The following CREB3 variants were observed in gnomAD, a reference collection of about 807,000 sequenced individuals.
CREB3 encodes cyclic AMP-responsive element-binding protein 3.
CREB3 carries 29 observed loss-of-function variants against 34.5 expected under a neutral mutation model. That is an observed-to-expected ratio of 0.84 (90% confidence interval 0.63 to 1.15). The LOEUF is 1.15. Ranked by LOEUF, CREB3 falls within the 50% of genes most tolerant of loss-of-function variation. The probability of loss-of-function intolerance (pLI) is 0.00; values close to 1 mark genes in which losing one functional copy is unlikely to be tolerated. For missense variants in CREB3, 447 were observed against 443.4 expected (o/e 1.01, Z -0.07); for synonymous variants, 187 against 173.9 (o/e 1.08, Z -0.59).
chr9:35,736,654 T>G lies in CREB3; in HGVS notation c.1044T>G (p.Asn348Lys). 6.2e-7 allele frequency: 1 copy of G among 1,613,518 alleles called. No individual in the cohort carries two copies. The highest frequency in any genetic ancestry group is 1.1e-5 in the South Asian group (1 of 91,080). The change falls in exon 9 of 9, where the codon AAT becomes AAG. Residue 348 changes from asparagine (N) to lysine (K), a missense_variant. Asn to Lys is a moderately conservative substitution (Grantham distance 94, BLOSUM62 0). Coordinates refer to ENST00000353704, the MANE Select transcript of CREB3 (RefSeq NM_006368.5). ...CRGPILPLQA[N>K]LTRKGGWLPT... The stretch of plus-strand genomic sequence containing the variant: ...GTCCCATCCTCCCCCTGCAGGCAAA[T>G]CTCACAAGGAAGGGAGGATGGCTTC...
At chr9:35,734,226 C>G (rs1232651276) in intron 4 of CREB3, among the ~76,000 whole-genome samples, 1 of 151,984 alleles carries the variant, frequency 6.6e-6, no homozygotes, top group Non-Finnish European at 1.5e-5. Flanking sequence ...GATCTACCCA[C>G]CTTGGCCTCC....
In CREB3 at chr9:35,733,191, C is replaced by T. The variant is rs537334615; in HGVS notation, c.278-24C>T. 1.9e-5 allele frequency: 31 copies of T among 1,614,210 alleles called. No homozygotes were observed. The African/African-American group carries it at 3.9e-4, about 20-fold the overall frequency. ...GGGAGGACAGGGTTCATGGGCCTGG[C>T]TATTCATACTTTCCCTTTTGCAGAG... On this transcript the variant is annotated intron_variant, in intron 2 of 8. Coordinates refer to ENST00000353704, the MANE Select transcript of CREB3 (RefSeq NM_006368.5).
At position 35,736,137 on chromosome 9, in the gene CREB3, G is replaced by C. The variant is rs368850860; in HGVS notation, c.696+5G>C. Reference sequence around the variant, plus strand: ...AGCAGCAGCACCTGCATCTTGGTGAGGATGGTGATGAGGGGAGAAATCCTT... The same window carrying C: ...AGCAGCAGCACCTGCATCTTGGTGACGATGGTGATGAGGGGAGAAATCCTT... On this transcript the variant is annotated splice_donor_5th_base_variant and intron_variant, in intron 7 of 8. Coordinates refer to ENST00000353704, the MANE Select transcript of CREB3 (RefSeq NM_006368.5). The C allele has an allele frequency of 6.2e-7, 1 of 1,613,782 alleles. No homozygotes were observed. Among genetic ancestry groups the C allele is most frequent in the Middle Eastern group, 1.6e-4 (1 of 6,062 alleles).
chr9:35,736,752 G>T lies in CREB3; in HGVS notation c.*26G>T. On this transcript the variant is annotated 3_prime_UTR_variant, in exon 9 of 9. Transcript: ENST00000353704. ...ATATGAGGATATGTGGGGGGTCTCAGCAGGAGCCTGGGGGGCTCCCCATCT... is the reference window on the plus strand; with the variant it reads ...ATATGAGGATATGTGGGGGGTCTCATCAGGAGCCTGGGGGGCTCCCCATCT... 1 of 1,573,696 alleles carries T rather than the reference G, an allele frequency of 6.4e-7. No individual in the cohort carries two copies.
At position 35,736,826 on chromosome 9, in the gene CREB3, CCT is replaced by C; in HGVS notation, c.*101_*102del. On this transcript the variant is annotated 3_prime_UTR_variant, in exon 9 of 9. Coordinates refer to ENST00000353704, the MANE Select transcript of CREB3 (RefSeq NM_006368.5). ...CAAGGGCTGGCCGCAGCTCCTGTGCCCTGTCAGGACGACTGAGGGCTCAAACA... is the reference window on the plus strand; with the variant it reads ...CAAGGGCTGGCCGCAGCTCCTGTGCCGTCAGGACGACTGAGGGCTCAAACA... 3 of 1,123,352 alleles carry C rather than the reference CCT, an allele frequency of 2.7e-6. No homozygotes were observed. The highest frequency in any genetic ancestry group is 3.8e-6 in the Non-Finnish European group (3 of 783,466). 69.6% of individuals were successfully genotyped at this position (1,123,352 alleles called of 1,614,324 possible).
Position 35,736,763 on chromosome 9 carries a change from G to T in CREB3, c.*37G>T. 1 of 1,539,244 alleles carries T rather than the reference G, an allele frequency of 6.5e-7. No homozygotes were observed. On this transcript the variant is annotated 3_prime_UTR_variant, in exon 9 of 9. Coordinates refer to ENST00000353704, the MANE Select transcript of CREB3 (RefSeq NM_006368.5). ...TGTGGGGGGTCTCAGCAGGAGCCTG[G>T]GGGGCTCCCCATCTGTGTCCAAATA...
At position 35,732,964 on chromosome 9, in the gene CREB3, GGTCAAGGCCT is replaced by G. The variant is rs755038363; in HGVS notation, c.130-29_130-20del. On this transcript the variant is annotated intron_variant, in intron 1 of 8. Transcript: ENST00000353704. The surrounding 1 kb of genome is among the most constrained non-coding windows in gnomAD (Gnocchi z 5.1). ...CCATGAAGTCAGGTGATGGTGATAA[GGTCAAGGCCT>G]GTTCATTGGAACCCTGCGCAGGTAC... The G allele has an allele frequency of 1.9e-6, 3 of 1,613,672 alleles. No homozygotes were observed. Among genetic ancestry groups the G allele is most frequent in the East Asian group, 4.5e-5 (2 of 44,874 alleles).
chr9:35,736,017 A>T lies in CREB3; in HGVS notation c.612-31A>T, dbSNP rs1826196583. 1.9e-6 allele frequency: 3 copies of T among 1,547,870 alleles called. No individual in the cohort carries two copies. In the African/African-American group the frequency reaches 4.1e-5, roughly 21 times the overall value. On this transcript the variant is annotated intron_variant, in intron 6 of 8. Coordinates refer to ENST00000353704, the MANE Select transcript of CREB3 (RefSeq NM_006368.5). ...GTGTCTCAGGATGCTAGGCCAGGGG[A>T]TGCTCACTATTGGCCCCTCTCTTCC...
Position 35,732,779 on chromosome 9 carries a change from C to G in CREB3, c.7C>G (p.Leu3Val), listed in dbSNP as rs772064563. 2 of 1,610,600 alleles carry G rather than the reference C, an allele frequency of 1.2e-6. No homozygotes were observed. Among genetic ancestry groups the G allele is most frequent in the South Asian group, 2.2e-5 (2 of 90,656 alleles). The change falls in exon 1 of 9, where the codon CTG becomes GTG. Residue 3 changes from leucine (L) to valine (V), a missense_variant. By Grantham distance (32) the Leu-to-Val change is conservative (BLOSUM62 1). Coordinates refer to ENST00000353704, the MANE Select transcript of CREB3 (RefSeq NM_006368.5). The surrounding 1 kb of genome is among the most constrained non-coding windows in gnomAD (Gnocchi z 5.1). ...CTTTCCGTAGTTGTCCCAAATGGAG[C>G]TGGAATTGGATGCTGGTGACCAAGA... ME[L>V]ELDAGDQDLL...
In CREB3 at chr9:35,733,413, A is replaced by G; in HGVS notation, c.363A>G (p.Val121=). Residue 121 remains valine (V), a synonymous_variant, in exon 4 of 9, where the codon GTA becomes GTG. Coordinates refer to ENST00000353704, the MANE Select transcript of CREB3 (RefSeq NM_006368.5). ...ELAEQEIARL[V]LTDEEKSLLE... is the part of the protein sequence containing the mutation. ...TACCCTAGGAGATTGCTAGGCTAGT[A>G]CTGACAGATGAGGAGAAGAGTCTAT... The G allele has an allele frequency of 6.2e-7, 1 of 1,613,802 alleles. No homozygotes were observed. The highest frequency in any genetic ancestry group is 8.5e-7 in the Non-Finnish European group (1 of 1,179,694).
rs1310666009 is a variant in CREB3 at position 35,736,510 on chromosome 9, T to C, written c.900T>C (p.Cys300=). ...STHQWLDGSD[C]VLQAPGNTSC... ...ACCAGTGGTTGGACGGCTCAGACTGTGTACTCCAGGCCCCTGGCAACACTT... is the reference window on the plus strand; with the variant it reads ...ACCAGTGGTTGGACGGCTCAGACTGCGTACTCCAGGCCCCTGGCAACACTT... The change falls in exon 9 of 9, where the codon TGT becomes TGC. Residue 300 remains cysteine, a synonymous_variant. Transcript: ENST00000353704. 3.7e-6 allele frequency: 6 copies of C among 1,614,056 alleles called. No individual in the cohort carries two copies. Among genetic ancestry groups the C allele is most frequent in the Non-Finnish European group, 5.1e-6 (6 of 1,180,024 alleles).
rs764012941 is a variant in CREB3 at position 35,733,421 on chromosome 9, A to T, written c.371A>T (p.Asp124Val). Residue 124 changes from aspartate to valine, a missense_variant, in exon 4 of 9, where the codon GAT (aspartate) becomes GTT (valine). Transcript: ENST00000353704. ...GAGATTGCTAGGCTAGTACTGACAG[A>T]TGAGGAGAAGAGTCTATTGGAGAAG... is the stretch of plus-strand genomic sequence containing the variant. Reference protein sequence around the residue: ...EQEIARLVLTDEEKSLLEKEG... With the variant: ...EQEIARLVLTVEEKSLLEKEG... 1.1e-5 allele frequency: 18 copies of T among 1,613,796 alleles called. No homozygotes were observed. Among genetic ancestry groups the T allele is most frequent in the Middle Eastern group, 3.3e-4 (2 of 6,084 alleles).
Position 35,736,217 on chromosome 9 carries a change from TG to T in CREB3, c.697-9del. 6.2e-7 allele frequency: 1 copy of T among 1,614,046 alleles called. No homozygotes were observed. The highest frequency in any genetic ancestry group is 8.5e-7 in the Non-Finnish European group (1 of 1,179,894). On this transcript the variant is annotated splice_polypyrimidine_tract_variant and intron_variant, in intron 7 of 8. Transcript: ENST00000353704. ...GAGCCCTTCTTCATCTCCTTTTTCC[TG>T]TGCTCTAGGTCCTACTAGTCTCCTT... is the stretch of plus-strand genomic sequence containing the variant.
At position 35,736,546 on chromosome 9, in the gene CREB3, G is replaced by A. The variant is rs201149083; in HGVS notation, c.936G>A (p.Leu312=). The change falls in exon 9 of 9, where the codon CTG becomes CTA. Residue 312 remains leucine, a synonymous_variant. Transcript: ENST00000353704. ...CCCCTGGCAACACTTCCTGCCTGCT[G>A]CATTACATGCCTCAGGCTCCCAGTG... ...LQAPGNTSCL[L]HYMPQAPSAE... is the part of the protein sequence containing the mutation. 5.7e-5 allele frequency: 92 copies of A among 1,614,182 alleles called. No individual in the cohort carries two copies. In the East Asian group the frequency reaches 1.4e-3, roughly 25 times the overall value.
intron 5 of CREB3, 31 bp from the exon 6 acceptor site, chr9:35,735,275 C>T (rs770727481): frequency 1.2e-6 from 2 of 1,606,932 alleles, no homozygotes; most frequent in Non-Finnish European, 1.7e-6. Flanking sequence ...GGATACAGGC[C>T]ATATCCCCGT....
In CREB3 at chr9:35,736,717, C is replaced by T. The variant is rs1294539051; in HGVS notation, c.1107C>T (p.Tyr369=). 1.2e-6 allele frequency: 2 copies of T among 1,606,544 alleles called. No individual in the cohort carries two copies. Among genetic ancestry groups the T allele is most frequent in the African/African-American group, 2.7e-5 (2 of 75,026 alleles). The change falls in exon 9 of 9, where the codon TAC becomes TAT. Residue 369 remains tyrosine, a synonymous_variant. Coordinates refer to ENST00000353704, the MANE Select transcript of CREB3 (RefSeq NM_006368.5). The part of the protein sequence containing the change: ...GSPSVILQDR[Y]SG Reference sequence around the variant, plus strand: ...CCTCTGTCATTTTGCAGGACAGATACTCAGGCTAGATATGAGGATATGTGG... The same window carrying T: ...CCTCTGTCATTTTGCAGGACAGATATTCAGGCTAGATATGAGGATATGTGG...
intron 4 of CREB3, 87 bp from the exon 5 acceptor site, chr9:35,735,022 G>T (rs552079454): frequency 2.4e-5 from 26 of 1,095,134 alleles, no homozygotes; most frequent in Non-Finnish European, 3.2e-5. Context: ...AGGGATTTCT[G>T]TATTGGAAAG....
At position 35,732,769 on chromosome 9, in the gene CREB3, C is replaced by T; in HGVS notation, c.-4C>T. On this transcript the variant is annotated 5_prime_UTR_variant, in exon 1 of 9. Transcript: ENST00000353704. This position sits in a 1 kb window ranked among gnomAD's most constrained non-coding sequence, Gnocchi z 5.1. ...GTGGCCCACCCTTTCCGTAGTTGTCCCAAATGGAGCTGGAATTGGATGCTG... is the reference window on the plus strand; with the variant it reads ...GTGGCCCACCCTTTCCGTAGTTGTCTCAAATGGAGCTGGAATTGGATGCTG... 1.9e-6 allele frequency: 3 copies of T among 1,607,702 alleles called. No homozygotes were observed. Among genetic ancestry groups the T allele is most frequent in the Non-Finnish European group, 2.5e-6 (3 of 1,176,746 alleles).
intron 4 of CREB3, 30 bp from the exon 5 acceptor site, chr9:35,735,079 A>G (rs1054354393): frequency 1.9e-6 from 3 of 1,564,596 alleles, no homozygotes; most frequent in African/African-American, 2.8e-5. Flanking sequence ...GAGTTCCTCT[A>G]ATGATATCCC....
Sources: allele counts gnomAD v4.1 joint callset (sites outside exome capture counted in the v4.1 genomes callset), GRCh38; gene constraint gnomAD v4.1.1; non-coding constraint Gnocchi (gnomAD v3.1); transcripts MANE v1.5; gene names NCBI Gene and HGNC (gene_info 2026-07-23, HGNC 2026-07-21).